RAB3IP: variants seen among roughly 807,000 people sequenced by gnomAD.
RAB3IP encodes rab-3A-interacting protein.
In RAB3IP, 36 loss-of-function variants were observed where a neutral mutation model predicts 59.1. That is an observed-to-expected ratio of 0.61 (90% CI 0.47 to 0.80). The LOEUF (loss-of-function observed/expected upper bound fraction) is 0.80. Among genes scored for constraint, RAB3IP ranks in the 30% least tolerant of loss-of-function variants. RAB3IP has a pLI of 0.00. For synonymous variants in RAB3IP, 207 were observed against 191.2 expected (o/e 1.08, Z -0.68); for missense variants, 511 against 536.0 (o/e 0.95, Z 0.46).
intron 1 of RAB3IP, among the ~76,000 whole-genome samples, chr12:69,742,483 G>A (rs1887440043): frequency 6.6e-6 from 1 of 151,858 alleles, no homozygotes. Flanking sequence ...TTTGATATTT[G>A]TGTTGTATTT....
rs746496018 is a variant in RAB3IP, at chr12:69,800,387, TC to T, written c.1017+51del. 8 of 1,121,576 alleles carry T rather than the reference TC, an allele frequency of 7.1e-6. No individual in the cohort carries two copies. The South Asian group carries it at 1.3e-4, about 18-fold the overall frequency. 69.5% of individuals were successfully genotyped at this position (1,121,576 alleles called of 1,614,324 possible). ...AATTCATTATAGTTGTTTCTGTACT[TC>T]TTTTAAACTAAATCATATTACATAT... is the stretch of plus-strand genomic sequence containing the variant. On this transcript the variant is annotated intron_variant, in intron 7 of 10. Coordinates refer to ENST00000247833, the MANE Select transcript of RAB3IP (RefSeq NM_022456.5).
chr12:69,810,174 G>T (rs1319557253), intron 8 of RAB3IP, among the ~76,000 whole-genome samples: 1 of 152,234 alleles, frequency 6.6e-6, no homozygotes. Flanking sequence ...TCCGGACCCT[G>T]TTTGCCTAGG....
chr12:69,750,633 T>C (rs190458223), intron 1 of RAB3IP, among the ~76,000 whole-genome samples: 11 of 151,966 alleles, frequency 7.2e-5, no homozygotes, highest in Non-Finnish European at 1.5e-5. Context: ...TTTGCTGTTT[T>C]TGTCCCTGTG....
At position 69,817,068 on chromosome 12, in the gene RAB3IP, A is replaced by C. The variant is rs1460899243; in HGVS notation, c.*1622A>C. ...AAGCTTCAGAAGATTTTCCGTACAA[A>C]CTAAAATCACTTTTGGAGAAAGTAC... On this transcript the variant is annotated 3_prime_UTR_variant, in exon 11 of 11. Transcript: ENST00000247833. 6.6e-6 allele frequency: 1 copy of C among 152,234 alleles called. No homozygotes were observed. The allele number at this position is 152,234 out of a possible 1,614,324, so 9.4% of individuals were successfully genotyped here.
chr12:69,799,327 G>T (rs73132916), intron 6 of RAB3IP, among the ~76,000 whole-genome samples: 5 of 152,096 alleles, frequency 3.3e-5, no homozygotes, highest in Admixed American at 3.3e-4. Context: ...GCTGTAGGAT[G>T]GGGGAGACTG....
At chr12:69,791,186 C>G (rs2054977297) in intron 4 of RAB3IP, among the ~76,000 whole-genome samples, 1 of 152,090 alleles carries the variant, frequency 6.6e-6, no homozygotes, top group Admixed American at 6.6e-5. Context: ...AAAGAAAAAT[C>G]AATTCAAATG....
intron 3 of RAB3IP, among the ~76,000 whole-genome samples, chr12:69,764,879 A>C (rs1247527002): frequency 6.6e-6 from 1 of 151,962 alleles, no homozygotes; most frequent in Non-Finnish European, 1.5e-5. Flanking sequence ...ATGTATTCCT[A>C]GGTATTTGTG....
intron 1 of RAB3IP, among the ~76,000 whole-genome samples, chr12:69,744,690 TCAA>T (rs1182634578): frequency 4.6e-5 from 1 of 21,630 alleles, no homozygotes. Flanking sequence ...AGACTGCATC[TCAA>T]AAAAAAAAAA....
intron 3 of RAB3IP, among the ~76,000 whole-genome samples, chr12:69,760,349 C>A (rs556663782): frequency 6.6e-6 from 1 of 152,160 alleles, no homozygotes; most frequent in South Asian, 2.1e-4. Flanking sequence ...AGCTTTGGCT[C>A]GGCATCAGAG....
At chr12:69,788,355 TACA>T (rs1298036404) in intron 4 of RAB3IP, among the ~76,000 whole-genome samples, 1 of 152,154 alleles carries the variant, frequency 6.6e-6, no homozygotes, top group Non-Finnish European at 1.5e-5. Flanking sequence ...TACAAACCTG[TACA>T]ACATGTTACT....
chr12:69,762,772 A>AG (rs1871534542), intron 3 of RAB3IP, among the ~76,000 whole-genome samples: 4 of 150,074 alleles, frequency 2.7e-5, no homozygotes, highest in African/African-American at 4.9e-5. Flanking sequence ...AAAAAAAAAA[A>AG]AAAAAAAGAA....
intron 8 of RAB3IP, among the ~76,000 whole-genome samples, chr12:69,805,648 C>T (rs563984603): frequency 6.6e-6 from 1 of 151,454 alleles, no homozygotes; most frequent in Non-Finnish European, 1.5e-5. Flanking sequence ...ATAGATAGCT[C>T]TTATTATTTT....
intron 3 of RAB3IP, among the ~76,000 whole-genome samples, chr12:69,767,636 C>T (rs1434260305): frequency 6.6e-6 from 1 of 152,220 alleles, no homozygotes; most frequent in African/African-American, 2.4e-5. Flanking sequence ...AGAGTTGGTG[C>T]TCCAGGTGCC....
intron 10 of RAB3IP, among the ~76,000 whole-genome samples, chr12:69,813,856 G>C (rs1313186178): frequency 6.6e-6 from 1 of 151,794 alleles, no homozygotes; most frequent in Non-Finnish European, 1.5e-5. Context: ...GTAAAGCAGT[G>C]AATCTTAATT....
At chr12:69,786,958 G>T (rs992192497) in intron 4 of RAB3IP, among the ~76,000 whole-genome samples, 1 of 152,148 alleles carries the variant, frequency 6.6e-6, no homozygotes, top group African/African-American at 2.4e-5. Context: ...AGTTGTATTC[G>T]AACCAATTAT....
chr12:69,767,084 C>T (rs1278071212), intron 3 of RAB3IP, among the ~76,000 whole-genome samples: 1 of 152,232 alleles, frequency 6.6e-6, no homozygotes, highest in Non-Finnish European at 1.5e-5. Flanking sequence ...ACTGGTTTCT[C>T]CTCATCTGGA....
chr12:69,766,508 A>C (rs959092434), intron 3 of RAB3IP, among the ~76,000 whole-genome samples: 3 of 141,400 alleles, frequency 2.1e-5, no homozygotes, highest in Non-Finnish European at 4.5e-5. Flanking sequence ...AGAAACTCTG[A>C]TTTCTTTTTC....
chr12:69,803,719 T>C (rs1462979266), intron 8 of RAB3IP, among the ~76,000 whole-genome samples: 1 of 152,062 alleles, frequency 6.6e-6, no homozygotes, highest in African/African-American at 2.4e-5. Context: ...CATTGTTCAG[T>C]TCCCACCTAT....
chr12:69,799,518 A>G (rs1394472434), intron 6 of RAB3IP, among the ~76,000 whole-genome samples: 1 of 152,222 alleles, frequency 6.6e-6, no homozygotes, highest in Non-Finnish European at 1.5e-5. Flanking sequence ...GTGGATTATT[A>G]TTGATGCCTA....
Sources: gnomAD v4.1 joint callset for allele counts (sites outside exome capture counted in the v4.1 genomes callset) on GRCh38, gnomAD v4.1.1 for gene constraint, MANE v1.5 for transcripts, NCBI Gene and HGNC (gene_info 2026-07-23, HGNC 2026-07-21) for gene names.